PARM1: variants seen among roughly 807,000 people sequenced by gnomAD.
PARM1 encodes WSC4, cell wall integrity and stress response component 4 homolog.
A neutral mutation model predicts 24.6 loss-of-function variants in PARM1; 14 were observed. The observed-to-expected ratio is 0.57, with a 90% confidence interval of 0.38 to 0.89. The LOEUF is 0.89. PARM1 is among the 40% of genes least tolerant of loss of function. The pLI, the probability that PARM1 is intolerant of heterozygous loss-of-function variation, is 0.00. For synonymous variants in PARM1, 179 were observed against 156.6 expected (o/e 1.14, Z -1.07); for missense variants, 362 against 380.4 (o/e 0.95, Z 0.40).
intron 1 of PARM1, among the ~76,000 whole-genome samples, chr4:75,002,428 ACTTTTTAT>A (rs1722697814): frequency 1.3e-5 from 2 of 151,702 alleles, no homozygotes. Context: ...AAACTCAAAG[ACTTTTTAT>A]CTTTTTAGTC....
In PARM1 at chr4:75,012,341, C is replaced by G. The variant is rs981937325; in HGVS notation, c.44-84C>G. 3.5e-6 allele frequency: 5 copies of G among 1,427,838 alleles called. No individual in the cohort carries two copies. In the African/African-American group the frequency reaches 7.1e-5, roughly 20 times the overall value. 88.4% of individuals were successfully genotyped at this position (1,427,838 alleles called of 1,614,324 possible). A position where few individuals can be genotyped will look rare whatever the true frequency, so the allele number is the denominator to read the frequency against. On this transcript the variant is annotated intron_variant, in intron 1 of 3. Transcript: ENST00000307428. ...AAATACCTGTGAAAATGCTGTAAAA[C>G]AGCTGTGGGTAAAAGCCTTGCCTCT...
In PARM1 at chr4:75,046,182, C is replaced by G; in HGVS notation, c.868C>G (p.Leu290Val). Residue 290 changes from leucine to valine, a missense_variant, in exon 4 of 4, where the codon CTT (leucine) becomes GTT (valine). Transcript: ENST00000307428. ...LKIRHSSYGRLLDDHDYGSWG... is the reference protein window; with the variant it reads ...LKIRHSSYGRVLDDHDYGSWG... ...CACCAGGCATTCCTCCTATGGAAGA[C>G]TTTTGGACGACCATGACTACGGGTC... is the stretch of plus-strand genomic sequence containing the variant. The G allele has an allele frequency of 1.2e-6, 2 of 1,612,860 alleles. No homozygotes were observed. Among genetic ancestry groups the G allele is most frequent in the Non-Finnish European group, 1.7e-6 (2 of 1,178,908 alleles).
At chr4:75,000,615 C>G (rs1053604074) in intron 1 of PARM1, among the ~76,000 whole-genome samples, 2 of 152,148 alleles carry the variant, frequency 1.3e-5, no homozygotes, top group Admixed American at 1.3e-4. Context: ...GAGGCAAACA[C>G]TTTTTCAGAT....
At chr4:75,010,454 A>G (rs896686317) in intron 1 of PARM1, among the ~76,000 whole-genome samples, 4 of 152,250 alleles carry the variant, frequency 2.6e-5, no homozygotes, top group Admixed American at 2.0e-4. Flanking sequence ...CAATATGTAT[A>G]TATAGTTACT....
intron 1 of PARM1, among the ~76,000 whole-genome samples, chr4:74,999,700 T>C (rs1320602430): frequency 6.6e-6 from 1 of 152,114 alleles, no homozygotes; most frequent in African/African-American, 2.4e-5. Context: ...ATAAAATAAA[T>C]GGTATGATAG....
chr4:75,043,804 C>T (rs1003723874), intron 3 of PARM1, among the ~76,000 whole-genome samples: 11 of 152,102 alleles, frequency 7.2e-5, no homozygotes, highest in African/African-American at 2.7e-4. Flanking sequence ...CTTTGTTTAC[C>T]AAAGCTACCT....
intron 1 of PARM1, among the ~76,000 whole-genome samples, chr4:74,955,499 G>C (rs1345179418): frequency 1.3e-5 from 2 of 152,156 alleles, no homozygotes; most frequent in African/African-American, 4.8e-5. Context: ...TTTCTTGGAT[G>C]ATCCAAAGAT....
intron 1 of PARM1, among the ~76,000 whole-genome samples, chr4:74,946,256 C>T (rs2109982691): frequency 6.6e-6 from 1 of 152,330 alleles, no homozygotes; most frequent in African/African-American, 2.4e-5. Flanking sequence ...CCCACCTCTG[C>T]CCCCATTCCC....
At chr4:75,039,253 C>T (rs539507129) in intron 3 of PARM1, among the ~76,000 whole-genome samples, 4 of 152,166 alleles carry the variant, frequency 2.6e-5, no homozygotes, top group East Asian at 3.9e-4. Flanking sequence ...AGTTTCCGGC[C>T]GGGTGTGGTG....
chr4:74,962,684 C>A (rs189296854), intron 1 of PARM1, among the ~76,000 whole-genome samples: 1 of 152,210 alleles, frequency 6.6e-6, no homozygotes, highest in East Asian at 1.9e-4. Context: ...TGTTTTATTC[C>A]ATTTATTTGA....
At chr4:74,962,638 G>A (rs2109990186) in intron 1 of PARM1, among the ~76,000 whole-genome samples, 1 of 152,300 alleles carries the variant, frequency 6.6e-6, no homozygotes, top group Admixed American at 6.5e-5. Context: ...AGAGAGCAGG[G>A]GTGAATAGGT....
chr4:74,990,675 T>C (rs1224601224), intron 1 of PARM1, among the ~76,000 whole-genome samples: 3 of 151,760 alleles, frequency 2.0e-5, no homozygotes, highest in Admixed American at 6.6e-5. Context: ...GATCAGAAAA[T>C]AGGGAGTTGG....
At chr4:75,033,246 A>G (rs1164859382) in intron 2 of PARM1, among the ~76,000 whole-genome samples, 3 of 152,206 alleles carry the variant, frequency 2.0e-5, no homozygotes, top group Non-Finnish European at 2.9e-5. Flanking sequence ...TTTAGTCTCT[A>G]TAAAACCAAG....
Position 74,933,234 on chromosome 4 carries a change from C to T in PARM1, c.-94C>T, listed in dbSNP as rs1365820659. 1.8e-6 allele frequency: 2 copies of T among 1,127,850 alleles called. No individual in the cohort carries two copies. The highest frequency in any genetic ancestry group is 2.6e-6 in the Non-Finnish European group (2 of 755,350). The allele number at this position is 1,127,850 out of a possible 1,614,324, so 69.9% of individuals were successfully genotyped here. A position where few individuals can be genotyped will look rare whatever the true frequency, so the allele number is the denominator to read the frequency against. The stretch of plus-strand genomic sequence containing the variant: ...CTCCCGGCTCCCACCGCAGCCCACC[C>T]GGCAGAGGAGTCGCTACCAGCGCCC... On this transcript the variant is annotated 5_prime_UTR_variant, in exon 1 of 4. Transcript: ENST00000307428.
Position 74,993,378 on chromosome 4 carries a change from G to A in PARM1, c.44-19047G>A, listed in dbSNP as rs72860966. Among the ~76,000 whole-genome samples, 733 of 152,234 alleles carry A rather than the reference G, an allele frequency of 4.8e-3. 4 individuals are homozygous for A. The highest frequency in any genetic ancestry group is 0.016 in the African/African-American group (677 of 41,536). On this transcript the variant is annotated intron_variant, in intron 1 of 3. Transcript: ENST00000307428. ...TTCTTCCCCAATTGAGCCTAAAGAT[G>A]ACTGAAGCCCTGGCTACACCTTGTT...
chr4:74,938,230 A>G (rs1051184858), intron 1 of PARM1, among the ~76,000 whole-genome samples: 1 of 152,208 alleles, frequency 6.6e-6, no homozygotes, highest in Non-Finnish European at 1.5e-5. Flanking sequence ...GTTTAAGCAG[A>G]CTTTCTTAAG....
chr4:74,943,594 T>A (rs1721354775), intron 1 of PARM1, among the ~76,000 whole-genome samples: 1 of 152,110 alleles, frequency 6.6e-6, no homozygotes, highest in Non-Finnish European at 1.5e-5. Context: ...ACATACAAAA[T>A]TTTTCTTCTT....
At chr4:74,941,334 C>G in intron 1 of PARM1, among the ~76,000 whole-genome samples, 1 of 152,026 alleles carries the variant, frequency 6.6e-6, no homozygotes, top group East Asian at 1.9e-4. Context: ...TATCAAATTA[C>G]GTGCAGAAAT....
intron 1 of PARM1, among the ~76,000 whole-genome samples, chr4:74,948,779 T>C (rs549155684): frequency 6.6e-6 from 1 of 152,310 alleles, no homozygotes; most frequent in Non-Finnish European, 1.5e-5. Context: ...TCCCAGCATT[T>C]TGGGAGGCCG....
Sources: allele counts gnomAD v4.1 joint callset (sites outside exome capture counted in the v4.1 genomes callset), GRCh38; gene constraint gnomAD v4.1.1; transcripts MANE v1.5; gene names NCBI Gene and HGNC (gene_info 2026-07-23, HGNC 2026-07-21).